Variants in STRA6 observed in about 807,000 individuals in gnomAD.
The protein encoded by STRA6 is receptor for retinol uptake STRA6.
In STRA6, 48 loss-of-function variants were observed where a neutral mutation model predicts 83.6. The ratio of observed to expected loss-of-function variants is 0.57; its 90% CI spans 0.46 to 0.73. STRA6 has a LOEUF of 0.73. Among genes scored for constraint, STRA6 ranks in the 30% least tolerant of loss-of-function variants. The pLI is 0.00. For missense variants in STRA6, 760 were observed against 838.8 expected, an observed-to-expected ratio of 0.91 and a Z score of 1.16; for synonymous variants, 353 against 362.3, an observed-to-expected ratio of 0.97 and a Z score of 0.29.
upstream of STRA6, among the ~76,000 whole-genome samples, chr15:74,211,221 C>T (rs779232891): frequency 1.1e-4 from 17 of 151,898 alleles, no homozygotes; most frequent in African/African-American, 1.7e-4. Flanking sequence ...CTTCCTAGAG[C>T]TTGGACTCCG....
At chr15:74,194,492 A>T in intron 7 of STRA6, 1 of 537,628 alleles carries the variant, frequency 1.9e-6, no homozygotes, top group Non-Finnish European at 2.5e-6. Context: ...CTTAGTCTTC[A>T]CCTCCACCCT....
At chr15:74,202,438 C>T in intron 1 of STRA6, 156 bp from the exon 2 acceptor site, 7 of 1,536,518 alleles carry the variant, frequency 4.6e-6, no homozygotes, top group Non-Finnish European at 6.1e-6. Flanking sequence ...CTGGGAAAAG[C>T]CCGTCTGGGA....
At chr15:74,181,938 C>T (rs1450034801) in intron 16 of STRA6, among the ~76,000 whole-genome samples, 3 of 152,160 alleles carry the variant, frequency 2.0e-5, no homozygotes, top group Admixed American at 1.3e-4. Flanking sequence ...GAAAGGTTCA[C>T]GGGGGTACTT....
At position 74,202,307 on chromosome 15, in the gene STRA6, A is replaced by G. The variant is rs766994324; in HGVS notation, c.-15-25T>C. The G allele has an allele frequency of 7.7e-6, 12 of 1,564,714 alleles. No individual in the cohort carries two copies. The South Asian group carries it at 1.1e-4, about 14-fold the overall frequency. On this transcript the variant is annotated intron_variant, in intron 1 of 18. Coordinates refer to ENST00000395105, the MANE Select transcript of STRA6 (RefSeq NM_022369.4). ...CCTTTGACCCCAGGCGAGAGAAAAA[A>G]AAAGCCACTACAGATGTGAAAAGAG...
upstream of STRA6, among the ~76,000 whole-genome samples, chr15:74,206,120 G>GC (rs977456630): frequency 6.6e-6 from 1 of 152,138 alleles, no homozygotes; most frequent in African/African-American, 2.4e-5. Context: ...TCCCCACAAG[G>GC]CCCCCGTCCC....
upstream of STRA6, among the ~76,000 whole-genome samples, chr15:74,205,051 G>A (rs1238328761): frequency 3.9e-5 from 6 of 152,220 alleles, no homozygotes; most frequent in African/African-American, 1.4e-4. Flanking sequence ...TGCACCAAAT[G>A]GAACCTGATG....
rs1043867528 is a variant in STRA6 at position 74,198,920 on chromosome 15, G to A, written c.114-1102C>T. Among the ~76,000 whole-genome samples, 7 of 152,370 alleles carry A rather than the reference G, an allele frequency of 4.6e-5. No homozygotes were observed. The South Asian group carries it at 1.2e-3, about 27-fold the overall frequency. On this transcript the variant is annotated intron_variant, in intron 2 of 18. Coordinates refer to ENST00000395105, the MANE Select transcript of STRA6 (RefSeq NM_022369.4). ...TCCGCTTCCCCAGCAGAATCATGTG[G>A]TGGAGAAAGGGAGTGAGGCAGGAGT...
upstream of STRA6, chr15:74,209,552 G>T (rs1567204697): frequency 2.0e-5 from 21 of 1,030,632 alleles, no homozygotes; most frequent in Admixed American, 1.4e-4. Context: ...CTATTCCCAG[G>T]GGAAGTGAAA....
At chr15:74,205,832 A>C (rs776650730), upstream of STRA6, among the ~76,000 whole-genome samples, 2 of 152,190 alleles carry the variant, frequency 1.3e-5, no homozygotes, top group Non-Finnish European at 2.9e-5. Context: ...GGCCCTAAGC[A>C]GAGGGGAGGA....
chr15:74,196,209 C>T (rs2142055300), intron 4 of STRA6, 62 bp from the exon 5 acceptor site: 3 of 1,600,530 alleles, frequency 1.9e-6, no homozygotes, highest in Middle Eastern at 1.7e-4. Context: ...CCCATTACCT[C>T]CCAGCTGTAT....
chr15:74,209,635 T>C (rs913464692), upstream of STRA6: 26 of 590,686 alleles, frequency 4.4e-5, no homozygotes, highest in Non-Finnish European at 6.3e-5. Context: ...GTCCTGCTCT[T>C]CACCCCAAGT....
chr15:74,203,778 C>A (rs2074184071), upstream of STRA6, among the ~76,000 whole-genome samples: 1 of 152,244 alleles, frequency 6.6e-6, no homozygotes, highest in South Asian at 2.1e-4. Context: ...TGGTCTGTAC[C>A]ATGGGAAACC....
rs1335018180 is a variant in STRA6 at position 74,188,874 on chromosome 15, G to A, written c.1090+241C>T. ...GTCAGAGACACTGGGGGTGGTGGGG[G>A]AAGATGCCACAGAAGCAGGCAAGGG... On this transcript the variant is annotated intron_variant, in intron 12 of 18. Transcript: ENST00000395105. This position sits in a 1 kb window ranked among gnomAD's most constrained non-coding sequence, Gnocchi z 4.5. Among the ~76,000 whole-genome samples, 1 of 152,150 alleles carries A rather than the reference G, an allele frequency of 6.6e-6. No individual in the cohort carries two copies. The highest frequency in any genetic ancestry group is 1.9e-4 in the East Asian group (1 of 5,186).
rs1178295791 is a variant in STRA6, at chr15:74,188,187, C to T, written c.1090+928G>A. Among the ~76,000 whole-genome samples the T allele has an allele frequency of 6.6e-6, 1 of 152,184 alleles. No homozygotes were observed. The highest frequency in any genetic ancestry group is 1.5e-5 in the Non-Finnish European group (1 of 68,020). ...CGTGCACCTCTGCCCACCCCCCACT[C>T]CCTGCCCCGCCATGACCAGCATGCC... On this transcript the variant is annotated intron_variant, in intron 12 of 18. Coordinates refer to ENST00000395105, the MANE Select transcript of STRA6 (RefSeq NM_022369.4). This position sits in a 1 kb window ranked among gnomAD's most constrained non-coding sequence, Gnocchi z 4.5.
chr15:74,196,528 C>T (rs769612198), intron 4 of STRA6, among the ~76,000 whole-genome samples: 13 of 152,192 alleles, frequency 8.5e-5, no homozygotes, highest in Non-Finnish European at 1.5e-4. Flanking sequence ...GGTGTGGACC[C>T]GGGGCAGAGG....
upstream of STRA6, chr15:74,209,595 C>T (rs771112698): frequency 7.7e-5 from 51 of 659,634 alleles, 1 homozygote; most frequent in Non-Finnish European, 9.2e-5. Flanking sequence ...TTCTATTTCT[C>T]ACTTCTCACA....
chr15:74,181,467 G>A lies in STRA6; in HGVS notation c.1521-9C>T. On this transcript the variant is annotated splice_polypyrimidine_tract_variant and intron_variant, in intron 16 of 18. Transcript: ENST00000395105. ...CTGCATAGAGCACTCGCCTAGGATG[G>A]GAGAAGAAAGCTGAGGCAGGCCGTT... The A allele has an allele frequency of 1.2e-6, 2 of 1,613,412 alleles. No homozygotes were observed. Among genetic ancestry groups the A allele is most frequent in the Non-Finnish European group, 1.7e-6 (2 of 1,179,796 alleles).
intron 10 of STRA6, 39 bp downstream of exon 10, chr15:74,191,128 G>C: frequency 6.2e-7 from 1 of 1,610,144 alleles, no homozygotes; most frequent in Non-Finnish European, 8.5e-7. Flanking sequence ...GGAGGGTAAC[G>C]TCCCCTGTCA....
intron 2 of STRA6, among the ~76,000 whole-genome samples, chr15:74,198,651 T>C (rs1184146632): frequency 1.3e-5 from 2 of 152,172 alleles, no homozygotes; most frequent in African/African-American, 4.8e-5. Context: ...TTCCCTCTCA[T>C]TGAGAGCCTC....
Sources: gnomAD v4.1 joint callset for allele counts (sites outside exome capture counted in the v4.1 genomes callset) on GRCh38, gnomAD v4.1.1 for gene constraint, Gnocchi (gnomAD v3.1) non-coding constraint, MANE v1.5 for transcripts, NCBI Gene and HGNC (gene_info 2026-07-23, HGNC 2026-07-21) for gene names.